The following ZNF595 variants were observed in gnomAD, a reference collection of about 807,000 sequenced individuals.
ZNF595 encodes zinc finger protein 595.
ZNF595 carries 9 observed loss-of-function variants against 19.4 expected under a neutral mutation model. The ratio of observed to expected loss-of-function variants is 0.46; its 90% CI spans 0.28 to 0.81. ZNF595 has a LOEUF of 0.81. ZNF595 is among the 30% of genes least tolerant of loss of function. ZNF595 has a pLI of 0.11. For missense variants in ZNF595, 729 were observed against 736.0 expected, an observed-to-expected ratio of 0.99 and a Z score of 0.11; for synonymous variants, 255 against 255.9, an observed-to-expected ratio of 1.00 and a Z score of 0.03.
chr4:87,086 A>T lies in ZNF595; in HGVS notation c.1582A>T (p.Ser528Cys), dbSNP rs1553801938. 1.2e-6 allele frequency: 2 copies of T among 1,613,978 alleles called. No homozygotes were observed. Among genetic ancestry groups the T allele is most frequent in the African/African-American group, 1.3e-5 (1 of 74,998 alleles). ...ATCCTCAGGCCTTATTATACACAGG[A>T]GCATTCATTCTGAACAAAAACTTTA... is the stretch of plus-strand genomic sequence containing the variant. The part of the protein sequence containing the change: ...NQSSGLIIHR[S>C]IHSEQKLYKC... The change falls in exon 4 of 4, where the codon AGC (serine) becomes TGC (cysteine). Residue 528 changes from serine (S) to cysteine (C), a missense_variant. Physicochemically the swap from Ser to Cys is moderately radical, Grantham distance 112. Around this residue, in one of 2 missense-constraint regions of ZNF595, gnomAD observed 729 missense variants for 675.3 expected, o/e 1.08. Coordinates refer to ENST00000610261, the MANE Select transcript of ZNF595 (RefSeq NM_182524.4).
At chr4:82,311 C>G (rs976024059) in intron 3 of ZNF595, among the ~76,000 whole-genome samples, 2 of 146,506 alleles carry the variant, frequency 1.4e-5, no homozygotes, top group Non-Finnish European at 3.0e-5. Flanking sequence ...AAACTTTGAA[C>G]AAGAGCATGC....
chr4:68,425 T>C (rs1581337407), intron 3 of ZNF595: 1 of 152,230 alleles, frequency 6.6e-6, no homozygotes, highest in African/African-American at 2.4e-5. Context: ...GCATATCTAA[T>C]AAGCTTTTTC....
At chr4:66,495 TTGA>T (rs1296481870) in intron 3 of ZNF595, among the ~76,000 whole-genome samples, 1 of 152,024 alleles carries the variant, frequency 6.6e-6, no homozygotes, top group Non-Finnish European at 1.5e-5. Flanking sequence ...GCTCATGTGT[TTGA>T]TGTTACATGC....
At chr4:60,654 C>T (rs1712814279) in intron 3 of ZNF595, 1 of 363,546 alleles carries the variant, frequency 2.8e-6, no homozygotes, top group Non-Finnish European at 5.3e-6. Context: ...TACATGTGCA[C>T]AATGTGCAGG....
intron 3 of ZNF595, among the ~76,000 whole-genome samples, chr4:71,186 C>G (rs990045829): frequency 2.0e-5 from 3 of 152,016 alleles, no homozygotes; most frequent in African/African-American, 2.4e-5. Flanking sequence ...TTTTTAAATG[C>G]TATATTTTGA....
chr4:76,947 C>T (rs967067413), intron 3 of ZNF595, among the ~76,000 whole-genome samples: 1 of 152,094 alleles, frequency 6.6e-6, no homozygotes, highest in Non-Finnish European at 1.5e-5. Context: ...GTTCCTTCTG[C>T]TATAGACATT....
At position 86,187 on chromosome 4, in the gene ZNF595, A is replaced by G. The variant is rs370546751; in HGVS notation, c.683A>G (p.Tyr228Cys). ...AGAATTCATACTGGAGAGAAACCCTACACATGTGAAGAATGTGGCAAAGCC... is the reference window on the plus strand; with the variant it reads ...AGAATTCATACTGGAGAGAAACCCTGCACATGTGAAGAATGTGGCAAAGCC... ...HKRIHTGEKP[Y>C]TCEECGKAFR... Residue 228 changes from tyrosine to cysteine, a missense_variant, in exon 4 of 4, where the codon TAC (tyrosine) becomes TGC (cysteine). By Grantham distance (194) the Tyr-to-Cys change is radical. Coordinates refer to ENST00000610261, the MANE Select transcript of ZNF595 (RefSeq NM_182524.4). 6 of 1,613,800 alleles carry G rather than the reference A, an allele frequency of 3.7e-6. No individual in the cohort carries two copies. The African/African-American group carries it at 8.0e-5, about 22-fold the overall frequency.
At chr4:74,220 C>G (rs1713551439) in intron 3 of ZNF595, among the ~76,000 whole-genome samples, 1 of 152,116 alleles carries the variant, frequency 6.6e-6, no homozygotes, top group Non-Finnish European at 1.5e-5. Context: ...AAGAGGATCA[C>G]TTGAAGGCTG....
chr4:83,786 A>G (rs1348939217), intron 3 of ZNF595, among the ~76,000 whole-genome samples: 1 of 151,972 alleles, frequency 6.6e-6, no homozygotes, highest in Admixed American at 6.6e-5. Flanking sequence ...ATGTTATTTT[A>G]TTAATTGTTT....
At chr4:79,035 CT>C (rs1713792841) in intron 3 of ZNF595, among the ~76,000 whole-genome samples, 1 of 152,204 alleles carries the variant, frequency 6.6e-6, no homozygotes, top group Non-Finnish European at 1.5e-5. Flanking sequence ...AGTACATTTA[CT>C]TTATTTTGCA....
At chr4:70,616 A>C (rs1184218923) in intron 3 of ZNF595, among the ~76,000 whole-genome samples, 2 of 152,210 alleles carry the variant, frequency 1.3e-5, no homozygotes, top group African/African-American at 4.8e-5. Flanking sequence ...GGGATTAGGC[A>C]TGAGTCAGCA....
Position 88,146 on chromosome 4 carries a change from T to G in ZNF595, c.*695T>G, listed in dbSNP as rs1714321217. ...ATGAATGCTTTTAAAAAATGTTCCA[T>G]ATTTATCTTTGAACATGTAGCATCT... On this transcript the variant is annotated 3_prime_UTR_variant, in exon 4 of 4. Transcript: ENST00000610261. 6.6e-6 allele frequency: 1 copy of G among 152,224 alleles called. No individual in the cohort carries two copies. The highest frequency in any genetic ancestry group is 1.5e-5 in the Non-Finnish European group (1 of 68,042). 9.4% of individuals were successfully genotyped at this position (152,224 alleles called of 1,614,324 possible).
In ZNF595 at chr4:80,611, G is replaced by A. The variant is rs1333500257; in HGVS notation, c.227-5120G>A. Among the ~76,000 whole-genome samples, 5 of 152,232 alleles carry A rather than the reference G, an allele frequency of 3.3e-5. No homozygotes were observed. In the East Asian group the frequency reaches 7.7e-4, roughly 24 times the overall value. On this transcript the variant is annotated intron_variant, in intron 3 of 3. Transcript: ENST00000610261. ...GGTGGGGCAGTTTTATAGGATTTGGGTAGGTAATGGAAAATTACAGTCAAA... is the reference window on the plus strand; with the variant it reads ...GGTGGGGCAGTTTTATAGGATTTGGATAGGTAATGGAAAATTACAGTCAAA...
At chr4:82,952 AT>A (rs1480675331) in intron 3 of ZNF595, among the ~76,000 whole-genome samples, 2 of 152,148 alleles carry the variant, frequency 1.3e-5, no homozygotes, top group Non-Finnish European at 2.9e-5. Context: ...CATTACAGAA[AT>A]TGAGCTATTG....
chr4:54,697 C>T (rs1712539822), intron 1 of ZNF595, among the ~76,000 whole-genome samples: 1 of 152,286 alleles, frequency 6.6e-6, no homozygotes. Flanking sequence ...CCAGAAGTCT[C>T]CTGGCTCATC....
intron 3 of ZNF595, among the ~76,000 whole-genome samples, chr4:71,436 A>C (rs1713428464): frequency 6.6e-6 from 1 of 152,146 alleles, no homozygotes. Flanking sequence ...ACACCTTATC[A>C]GAATGCCCTT....
chr4:79,302 A>G (rs1713806298), intron 3 of ZNF595, among the ~76,000 whole-genome samples: 2 of 152,154 alleles, frequency 1.3e-5, no homozygotes, highest in South Asian at 4.1e-4. Flanking sequence ...ATAATATGTA[A>G]TTGTATGTAT....
At chr4:76,180 C>A (rs1004786500) in intron 3 of ZNF595, among the ~76,000 whole-genome samples, 1 of 152,142 alleles carries the variant, frequency 6.6e-6, no homozygotes, top group Non-Finnish European at 1.5e-5. Flanking sequence ...CAGCATAAGC[C>A]ATCAGACCCA....
intron 3 of ZNF595, among the ~76,000 whole-genome samples, chr4:69,676 AT>A (rs1553797588): frequency 6.6e-6 from 1 of 151,786 alleles, no homozygotes; most frequent in Non-Finnish European, 1.5e-5. Context: ...GTTTTCTCTA[AT>A]TTTGTGTGTT....
Sources: allele counts gnomAD v4.1 joint callset (sites outside exome capture counted in the v4.1 genomes callset), GRCh38; gene constraint gnomAD v4.1.1; regional missense constraint gnomAD v4.1.1; transcripts MANE v1.5; gene names NCBI Gene and HGNC (gene_info 2026-07-23, HGNC 2026-07-21).